LRRC9: variants seen among roughly 807,000 people sequenced by gnomAD.
LRRC9 encodes the protein leucine rich repeat containing 9, also known as leucine-rich repeat-containing protein 9.
In LRRC9, 122 loss-of-function variants were observed where a neutral mutation model predicts 63.2. The ratio of observed to expected loss-of-function variants is 1.93; its 90% CI spans 1.67 to 2.24. LRRC9 has a LOEUF of 2.24. Ranked by LOEUF, LRRC9 falls within the 30% of genes most tolerant of loss-of-function variation. The pLI is 0.00. For synonymous variants in LRRC9, 366 were observed against 213.1 expected (o/e 1.72, Z -6.25); for missense variants, 1,071 against 627.7 (o/e 1.71, Z -7.55).
Position 59,989,949 on chromosome 14 carries a change from C to T in LRRC9, c.2211+4725C>T, listed in dbSNP as rs111711486. On this transcript the variant is annotated intron_variant, in intron 17 of 31. Coordinates refer to ENST00000445360, the Ensembl canonical transcript of LRRC9. ...TTCCTTTTTTTTTTTTTTTTTGAGA[C>T]GGAATTTCACTTTTGTGGCCCAGGC... Among the ~76,000 whole-genome samples, 435 of 135,858 alleles carry T rather than the reference C, an allele frequency of 3.2e-3. 3 individuals carry two copies. The highest frequency in any genetic ancestry group is 0.011 in the African/African-American group (411 of 35,916). 89.1% of individuals were successfully genotyped at this position (135,858 alleles called of 152,430 possible).
At position 59,974,662 on chromosome 14, in the gene LRRC9, CA is replaced by C. The variant is rs1885919490; in HGVS notation, c.1596del (p.Asp533MetfsTer55). On this transcript the variant is annotated frameshift_variant, in exon 13 of 32. Coordinates refer to ENST00000445360, the Ensembl canonical transcript of LRRC9. LOFTEE classifies it high-confidence loss of function. Reference sequence around the variant, plus strand: ...GAATTGAATTTTTACAGCAAAAGCACAAAGATGAGAAGAAAATCTCTCTTAA... The same window carrying C: ...GAATTGAATTTTTACAGCAAAAGCACAAGATGAGAAGAAAATCTCTCTTAA... 1.5e-6 allele frequency: 1 copy of C among 689,076 alleles called. No individual in the cohort carries two copies. Among genetic ancestry groups the C allele is most frequent in the Non-Finnish European group, 2.6e-6 (1 of 378,138 alleles). The allele number at this position is 689,076 out of a possible 1,614,324, so 42.7% of individuals were successfully genotyped here. A position where few individuals can be genotyped will look rare whatever the true frequency, so the allele number is the denominator to read the frequency against.
At chr14:60,029,973 AAT>A (rs1891864451) in intron 28 of LRRC9, among the ~76,000 whole-genome samples, 1 of 152,082 alleles carries the variant, frequency 6.6e-6, no homozygotes, top group African/African-American at 2.4e-5. Context: ...AACTCAGAGG[AAT>A]AGGAAGGTTA....
chr14:59,953,288 G>C (rs1329402890), intron 8 of LRRC9, among the ~76,000 whole-genome samples: 1 of 152,156 alleles, frequency 6.6e-6, no homozygotes, highest in African/African-American at 2.4e-5. Flanking sequence ...GTGTAAAACT[G>C]TTCTTATTTC....
At chr14:60,066,805 G>A (rs1894890963), downstream of LRRC9, among the ~76,000 whole-genome samples, 1 of 152,046 alleles carries the variant, frequency 6.6e-6, no homozygotes, top group Non-Finnish European at 1.5e-5. Context: ...GAATAAAATT[G>A]TTTTGTAAAC....
rs149053304 is a variant in LRRC9 at position 59,953,266 on chromosome 14, C to T, written c.883-6552C>T. ...TCCACAATGGTTGAACTAATTTACA[C>T]TCCCACCAACAGTGTAAAACTGTTC... On this transcript the variant is annotated intron_variant, in intron 8 of 31. Transcript: ENST00000445360. Among the ~76,000 whole-genome samples the T allele has an allele frequency of 1.7e-3, 266 of 152,328 alleles. 1 individual carries two copies. The Middle Eastern group carries it at 0.02, about 12-fold the overall frequency.
intron 22 of LRRC9, among the ~76,000 whole-genome samples, chr14:60,007,716 C>A (rs1889926864): frequency 6.6e-6 from 1 of 152,050 alleles, no homozygotes; most frequent in South Asian, 2.1e-4. Context: ...GATTATATAA[C>A]ATAGACCATT....
At chr14:60,044,271 GT>G (rs1275540222) in intron 29 of LRRC9, among the ~76,000 whole-genome samples, 1 of 151,690 alleles carries the variant, frequency 6.6e-6, no homozygotes, top group Non-Finnish European at 1.5e-5. Flanking sequence ...TTGATCTTCT[GT>G]TTTTTAGTCT....
chr14:60,018,469 C>T (rs909232640), exon 25 of LRRC9: 3 of 695,624 alleles, frequency 4.3e-6, no homozygotes, highest in Non-Finnish European at 7.9e-6. Context: ...ATCTATCTAC[C>T]TAATGTGAAG....
At chr14:60,020,566 T>A (rs572935551) in intron 26 of LRRC9, among the ~76,000 whole-genome samples, 1 of 152,092 alleles carries the variant, frequency 6.6e-6, no homozygotes, top group Admixed American at 6.6e-5. Flanking sequence ...TAATCATGAC[T>A]GCAATACAAT....
chr14:59,929,871 T>C (rs1889541068), intron 3 of LRRC9, among the ~76,000 whole-genome samples: 2 of 151,894 alleles, frequency 1.3e-5, no homozygotes, highest in Admixed American at 6.6e-5. Context: ...GGGAGCTAAA[T>C]GATGATAACA....
rs1234826203 is a variant in LRRC9, at chr14:59,946,925, G to C, written c.882+2181G>C. On this transcript the variant is annotated intron_variant, in intron 8 of 31. Coordinates refer to ENST00000445360, the Ensembl canonical transcript of LRRC9. ...CTATCATTGTTGGACATTTGGGTTG[G>C]TTCCAAGTCTTTGCTATTGTGAATA... 8.4e-3 allele frequency among the ~76,000 whole-genome samples: 1,108 copies of C among 131,204 alleles called. 13 individuals are homozygous for C. Among genetic ancestry groups the C allele is most frequent in the African/African-American group, 0.03 (1,042 of 34,170 alleles). The allele number at this position is 131,204 out of a possible 152,430, so 86.1% of individuals were successfully genotyped here.
rs1041724215 is a variant in LRRC9 at position 60,058,296 on chromosome 14, T to C, written c.4276+274T>C. Among the ~76,000 whole-genome samples the C allele has an allele frequency of 6.6e-6, 1 of 152,190 alleles. No homozygotes were observed. Among genetic ancestry groups the C allele is most frequent in the African/African-American group, 2.4e-5 (1 of 41,460 alleles). On this transcript the variant is annotated intron_variant, in intron 31 of 31. Coordinates refer to ENST00000445360, the Ensembl canonical transcript of LRRC9. The surrounding 1 kb of genome is among the most constrained non-coding windows in gnomAD (Gnocchi z 4.4). The stretch of plus-strand genomic sequence containing the variant: ...GTGAACTTTGTGATACTTGAACAAT[T>C]ATTTCCTGACATATCTTTTCAAAGC...
Position 59,942,370 on chromosome 14 carries a change from T to C in LRRC9, c.727-2219T>C, listed in dbSNP as rs1366249826. On this transcript the variant is annotated intron_variant, in intron 7 of 31. Coordinates refer to ENST00000445360, the Ensembl canonical transcript of LRRC9. This position sits in a 1 kb window ranked among gnomAD's most constrained non-coding sequence, Gnocchi z 5.3. Reference sequence around the variant, plus strand: ...TTTGGATAAATACCCAGGAGTGAGATTGCTGAATCCTATGGAAGTTCTACT... The same window carrying C: ...TTTGGATAAATACCCAGGAGTGAGACTGCTGAATCCTATGGAAGTTCTACT... Among the ~76,000 whole-genome samples the C allele has an allele frequency of 1.3e-5, 2 of 152,178 alleles. No individual in the cohort carries two copies. The highest frequency in any genetic ancestry group is 2.9e-5 in the Non-Finnish European group (2 of 68,030).
At chr14:60,006,871 A>G (rs531817249) in intron 22 of LRRC9, 18 of 244,704 alleles carry the variant, frequency 7.4e-5, no homozygotes, top group Non-Finnish European at 1.2e-4. Flanking sequence ...AACCAAACCT[A>G]TTCCTTAGCA....
intron 8 of LRRC9, among the ~76,000 whole-genome samples, chr14:59,955,902 G>C (rs1395685765): frequency 6.6e-6 from 1 of 152,090 alleles, no homozygotes; most frequent in Non-Finnish European, 1.5e-5. Context: ...TATTTTCCCA[G>C]TATTATTCAG....
At chr14:60,044,837 T>G (rs1893271392) in intron 29 of LRRC9, among the ~76,000 whole-genome samples, 1 of 152,202 alleles carries the variant, frequency 6.6e-6, no homozygotes, top group African/African-American at 2.4e-5. Flanking sequence ...TACTGTTTCT[T>G]TATTAACGTT....
chr14:60,054,248 A>G (rs951822811), intron 30 of LRRC9, among the ~76,000 whole-genome samples: 1 of 152,160 alleles, frequency 6.6e-6, no homozygotes, highest in African/African-American at 2.4e-5. Flanking sequence ...GTACATTCAT[A>G]TACTTATTAA....
At position 59,938,493 on chromosome 14, in the gene LRRC9, A is replaced by C; in HGVS notation, c.647A>C (p.His216Pro). Residue 216 changes from histidine (H) to proline (P), a missense_variant, in exon 7 of 32, where the codon CAT becomes CCT. Physicochemically the swap from His to Pro is moderately conservative, Grantham distance 77 (BLOSUM62 -2). Transcript: ENST00000445360. This position sits in a 1 kb window ranked among gnomAD's most constrained non-coding sequence, Gnocchi z 4.2. ...TGTCTTCTGTGTAATTATTCCACAC[A>C]TGTATTATATCATTTGCCTTGCCTT... The C allele has an allele frequency of 1.4e-6, 1 of 698,146 alleles. No homozygotes were observed. Among genetic ancestry groups the C allele is most frequent in the Non-Finnish European group, 2.6e-6 (1 of 382,790 alleles). 43.2% of individuals were successfully genotyped at this position (698,146 alleles called of 1,614,324 possible).
At chr14:59,944,629 T>C (rs899566972) in exon 8 of LRRC9, 13 of 655,870 alleles carry the variant, frequency 2.0e-5, no homozygotes, top group Non-Finnish European at 3.0e-5. Flanking sequence ...AATATGCGTA[T>C]AAAAACTCTT....
Sources: gnomAD v4.1 joint callset for allele counts (sites outside exome capture counted in the v4.1 genomes callset) on GRCh38, gnomAD v4.1.1 for gene constraint, Gnocchi (gnomAD v3.1) non-coding constraint, MANE v1.5 for transcripts, NCBI Gene and HGNC (gene_info 2026-07-23, HGNC 2026-07-21) for gene names.